The following OLFM2 variants were observed in gnomAD, a reference collection of about 807,000 sequenced individuals.
The protein encoded by OLFM2 is olfactomedin 2.
Under a neutral mutation model 43.9 loss-of-function variants are expected in OLFM2, and 20 were observed. The observed-to-expected ratio is 0.46, with a 90% CI of 0.32 to 0.66. The LOEUF (loss-of-function observed/expected upper bound fraction) is 0.66, where lower values mean the gene tolerates loss of function less well. Ranked by LOEUF, OLFM2 falls within the 30% of genes least tolerant of loss-of-function variation. The pLI is 0.04. For missense variants in OLFM2, 416 were observed against 643.6 expected (o/e 0.65, Z 3.83); for synonymous variants, 268 against 278.6 (o/e 0.96, Z 0.38).
intron 1 of OLFM2, among the ~76,000 whole-genome samples, chr19:9,885,168 C>G (rs1049201223): frequency 1.3e-5 from 2 of 152,182 alleles, no homozygotes; most frequent in African/African-American, 4.8e-5. Context: ...CTCACTTTCC[C>G]CACCTGCAAA....
In OLFM2 at chr19:9,929,463, G is replaced by A. The variant is rs567116950; in HGVS notation, c.63+6841C>T. Among the ~76,000 whole-genome samples the A allele has an allele frequency of 7.9e-5, 12 of 152,152 alleles. 1 individual carries two copies. The highest frequency in any genetic ancestry group is 6.8e-3 in the Middle Eastern group (2 of 294). On this transcript the variant is annotated intron_variant, in intron 1 of 5. Transcript: ENST00000264833. ...ATGTAAACATTAGGTGGGTGTGGTG[G>A]TGTGTGCCTGTAGTCCCAGCTACTT...
intron 1 of OLFM2, among the ~76,000 whole-genome samples, chr19:9,923,745 C>T (rs1042070922): frequency 3.9e-5 from 6 of 151,978 alleles, no homozygotes; most frequent in Admixed American, 1.3e-4. Flanking sequence ...TGGGCTCAAG[C>T]GATCCTCCCA....
rs1568366619 is a variant in OLFM2, at chr19:9,857,972, G to A, written c.214-111C>T. The A allele has an allele frequency of 6.6e-6, 9 of 1,357,970 alleles. No individual in the cohort carries two copies. Among genetic ancestry groups the A allele is most frequent in the Admixed American group, 3.7e-5 (2 of 53,766 alleles). 84.1% of individuals were successfully genotyped at this position (1,357,970 alleles called of 1,614,324 possible). A position where few individuals can be genotyped will look rare whatever the true frequency, so the allele number is the denominator to read the frequency against. ...GAGGCTGTACAAACACCACACCGAC[G>A]AGGCCACCTTCTCCTCCCCTGAGCT... On this transcript the variant is annotated intron_variant, in intron 2 of 5. Coordinates refer to ENST00000264833, the MANE Select transcript of OLFM2 (RefSeq NM_058164.4). This position sits in a 1 kb window ranked among gnomAD's most constrained non-coding sequence, Gnocchi z 5.7.
chr19:9,862,259 G>A (rs1225217602), intron 1 of OLFM2, among the ~76,000 whole-genome samples: 1 of 152,134 alleles, frequency 6.6e-6, no homozygotes, highest in Non-Finnish European at 1.5e-5. Context: ...CTTCCCTCAG[G>A]CTGAGGGTCT....
At chr19:9,869,668 G>T (rs1468442212) in intron 1 of OLFM2, among the ~76,000 whole-genome samples, 1 of 152,206 alleles carries the variant, frequency 6.6e-6, no homozygotes, top group Non-Finnish European at 1.5e-5. Context: ...CCAGGCTGGA[G>T]TGCAGTGGCA....
intron 1 of OLFM2, among the ~76,000 whole-genome samples, chr19:9,903,635 T>C (rs182550282): frequency 7.9e-4 from 121 of 152,314 alleles, no homozygotes; most frequent in African/African-American, 2.8e-3. Context: ...ACTTCTGCTC[T>C]ACTAATAAGC....
intron 1 of OLFM2, among the ~76,000 whole-genome samples, chr19:9,900,982 GGA>G (rs2046728929): frequency 5.9e-5 from 3 of 50,542 alleles, no homozygotes; most frequent in Non-Finnish European, 1.0e-4. Flanking sequence ...AAGGAAGGAA[GGA>G]AGGAAGGGAG....
chr19:9,893,161 TTTTC>T (rs2046652886), intron 1 of OLFM2, among the ~76,000 whole-genome samples: 2 of 117,050 alleles, frequency 1.7e-5, no homozygotes, highest in East Asian at 2.3e-4. Context: ...CTTTTATTTT[TTTTC>T]TTTTTCTTTT....
intron 1 of OLFM2, among the ~76,000 whole-genome samples, chr19:9,895,227 C>T (rs1205882886): frequency 6.6e-6 from 1 of 152,248 alleles, no homozygotes; most frequent in South Asian, 2.1e-4. Flanking sequence ...GTGGCTTATG[C>T]CTGTTATCCC....
chr19:9,922,906 G>C (rs1463525800), intron 1 of OLFM2, among the ~76,000 whole-genome samples: 2 of 135,420 alleles, frequency 1.5e-5, no homozygotes, highest in Non-Finnish European at 3.0e-5. Context: ...GTGAGACCCT[G>C]TCTCAAAAAA....
At chr19:9,910,463 G>T (rs1322361988) in intron 1 of OLFM2, among the ~76,000 whole-genome samples, 3 of 152,134 alleles carry the variant, frequency 2.0e-5, no homozygotes, top group Non-Finnish European at 4.4e-5. Flanking sequence ...GCTCATGCCT[G>T]TAATCCCAGC....
chr19:9,860,549 G>T, intron 2 of OLFM2, 96 bp downstream of exon 2: 1 of 1,347,280 alleles, frequency 7.4e-7, no homozygotes, highest in Non-Finnish European at 1.0e-6. Context: ...TTGCATAGCT[G>T]GATATGGCCA....
chr19:9,930,900 C>T (rs905002869), intron 1 of OLFM2, among the ~76,000 whole-genome samples: 4 of 152,020 alleles, frequency 2.6e-5, no homozygotes, highest in Non-Finnish European at 5.9e-5. Flanking sequence ...TGTTTGCACC[C>T]GCGGCGAGTA....
At chr19:9,863,224 G>T (rs1448415958) in intron 1 of OLFM2, among the ~76,000 whole-genome samples, 1 of 152,122 alleles carries the variant, frequency 6.6e-6, no homozygotes, top group African/African-American at 2.4e-5. Flanking sequence ...AGGCCCATGT[G>T]GCTGGAGCAG....
At chr19:9,918,373 G>T (rs2086399135) in intron 1 of OLFM2, among the ~76,000 whole-genome samples, 1 of 151,922 alleles carries the variant, frequency 6.6e-6, no homozygotes, top group African/African-American at 2.4e-5. Context: ...TAAGTTTTCT[G>T]TAGAGATGGG....
At chr19:9,899,607 C>T (rs929468264) in intron 1 of OLFM2, among the ~76,000 whole-genome samples, 8 of 152,120 alleles carry the variant, frequency 5.3e-5, no homozygotes, top group African/African-American at 1.9e-4. Context: ...GACTGGAGTA[C>T]AGTGGTGTAA....
chr19:9,917,030 G>A (rs1306358457), intron 1 of OLFM2, among the ~76,000 whole-genome samples: 1 of 152,070 alleles, frequency 6.6e-6, no homozygotes, highest in Non-Finnish European at 1.5e-5. Flanking sequence ...TGGGTTCCCT[G>A]CCGCTCTCAT....
intron 1 of OLFM2, among the ~76,000 whole-genome samples, chr19:9,904,507 C>T (rs989592409): frequency 2.0e-5 from 3 of 151,726 alleles, no homozygotes; most frequent in Admixed American, 6.6e-5. Context: ...GAGTATTATA[C>T]TGAGGGCTTC....
At chr19:9,936,234 C>T in intron 1 of OLFM2, 70 bp downstream of exon 1, 1 of 1,498,262 alleles carries the variant, frequency 6.7e-7, no homozygotes, top group Admixed American at 2.0e-5. Flanking sequence ...CCCCGTTTCT[C>T]CGGGAACCCT....
Sources: allele counts gnomAD v4.1 joint callset (sites outside exome capture counted in the v4.1 genomes callset), GRCh38; gene constraint gnomAD v4.1.1; non-coding constraint Gnocchi (gnomAD v3.1); transcripts MANE v1.5; gene names NCBI Gene and HGNC (gene_info 2026-07-23, HGNC 2026-07-21).